PTPRQ: variants seen among roughly 807,000 people sequenced by gnomAD.
PTPRQ encodes phosphatidylinositol phosphatase PTPRQ.
PTPRQ carries 199 observed loss-of-function variants against 246.0 expected under a neutral mutation model. The observed-to-expected ratio is 0.81, with a 90% CI of 0.72 to 0.91. PTPRQ has a LOEUF of 0.91. Among genes scored for constraint, PTPRQ ranks in the 40% least tolerant of loss-of-function variants. The pLI, the probability that PTPRQ is intolerant of heterozygous loss-of-function variation, is 0.00. For missense variants in PTPRQ, 2,624 were observed against 2,528.4 expected (o/e 1.04, Z -0.81); for synonymous variants, 869 against 853.2 (o/e 1.02, Z -0.32).
At chr12:80,566,862 C>A (rs1286781938) in intron 25 of PTPRQ, among the ~76,000 whole-genome samples, 8 of 152,112 alleles carry the variant, frequency 5.3e-5, no homozygotes. Flanking sequence ...TTTTAAAAAT[C>A]AAGATCACAT....
At chr12:80,550,421 C>G (rs1896439538) in intron 25 of PTPRQ, among the ~76,000 whole-genome samples, 1 of 152,156 alleles carries the variant, frequency 6.6e-6, no homozygotes, top group Non-Finnish European at 1.5e-5. Context: ...GTCTTTCAAG[C>G]CGTCTTGAGG....
chr12:80,673,848 T>G (rs769632703), intron 43 of PTPRQ, among the ~76,000 whole-genome samples: 1 of 152,102 alleles, frequency 6.6e-6, no homozygotes, highest in African/African-American at 2.4e-5. Context: ...ATATATACAA[T>G]TTTTATTTTA....
intron 26 of PTPRQ, among the ~76,000 whole-genome samples, chr12:80,589,183 T>G (rs1380567449): frequency 6.6e-6 from 1 of 152,100 alleles, no homozygotes; most frequent in Non-Finnish European, 1.5e-5. Context: ...CATAATTAAG[T>G]AAAAAATGTA....
chr12:80,663,154 T>C (rs1018421673), intron 39 of PTPRQ, among the ~76,000 whole-genome samples: 1 of 151,752 alleles, frequency 6.6e-6, no homozygotes, highest in African/African-American at 2.4e-5. Flanking sequence ...ATATATGTAT[T>C]AAAAAGAAAT....
intron 26 of PTPRQ, among the ~76,000 whole-genome samples, chr12:80,589,842 T>C (rs1285045381): frequency 7.2e-5 from 11 of 152,208 alleles, no homozygotes; most frequent in Non-Finnish European, 1.6e-4. Flanking sequence ...CTTTGCTGAA[T>C]TATTCTCAGC....
At chr12:80,660,183 G>A (rs1363202689) in intron 39 of PTPRQ, among the ~76,000 whole-genome samples, 2 of 151,990 alleles carry the variant, frequency 1.3e-5, no homozygotes. Context: ...GCAAAGGGAA[G>A]AGAACTATAG....
chr12:80,480,848 C>A (rs1195701399), intron 8 of PTPRQ, among the ~76,000 whole-genome samples: 3 of 152,154 alleles, frequency 2.0e-5, no homozygotes, highest in Admixed American at 2.0e-4. Flanking sequence ...TCTGAATAGA[C>A]CAATAACAGG....
rs923732447 is a variant in PTPRQ at position 80,585,837 on chromosome 12, C to T, written c.4286-2292C>T. On this transcript the variant is annotated intron_variant, in intron 25 of 44. Coordinates refer to ENST00000644991, the MANE Select transcript of PTPRQ (RefSeq NM_001145026.2). ...CATGCTGGTGCGCTGCACCCACTAA[C>T]TCGTCATCTAGCATTAGGTATATCT... is the stretch of plus-strand genomic sequence containing the variant. Among the ~76,000 whole-genome samples, 18 of 149,528 alleles carry T rather than the reference C, an allele frequency of 1.2e-4. 1 individual carries two copies. Among genetic ancestry groups the T allele is most frequent in the Non-Finnish European group, 1.9e-4 (13 of 67,328 alleles).
chr12:80,455,729 T>C (rs1892959009), intron 3 of PTPRQ, among the ~76,000 whole-genome samples: 1 of 151,738 alleles, frequency 6.6e-6, no homozygotes, highest in South Asian at 2.1e-4. Context: ...TAGCTGGGAC[T>C]AGAGGCGCCC....
chr12:80,677,248 T>G (rs1901173945), intron 43 of PTPRQ, among the ~76,000 whole-genome samples: 1 of 152,228 alleles, frequency 6.6e-6, no homozygotes, highest in African/African-American at 2.4e-5. Context: ...AACATATTTC[T>G]GTCAATAATG....
chr12:80,470,383 T>A (rs1893585530), intron 7 of PTPRQ, among the ~76,000 whole-genome samples: 1 of 152,286 alleles, frequency 6.6e-6, no homozygotes, highest in Admixed American at 6.5e-5. Flanking sequence ...TCTAACTGGT[T>A]TACCTTTTTC....
chr12:80,459,325 G>C lies in PTPRQ; in HGVS notation c.502G>C (p.Ala168Pro), dbSNP rs982339968. Residue 168 changes from alanine (A) to proline (P), a missense_variant, in exon 5 of 45, where the codon GCT (alanine) becomes CCT (proline). Coordinates refer to ENST00000644991, the MANE Select transcript of PTPRQ (RefSeq NM_001145026.2). ...GAATCTCACAGTTGAGGCCTACAAC[G>C]CTTCAGCAGTTAAGCTGATTTGGTA... ...VVNLTVEAYN[A>P]SAVKLIWYLP... 1 of 398,390 alleles carries C rather than the reference G, an allele frequency of 2.5e-6. No individual in the cohort carries two copies. The highest frequency in any genetic ancestry group is 4.4e-6 in the Non-Finnish European group (1 of 225,936). The allele number at this position is 398,390 out of a possible 1,614,324, so 24.7% of individuals were successfully genotyped here.
At position 80,669,375 on chromosome 12, in the gene PTPRQ, C is replaced by T. The variant is rs1276577706; in HGVS notation, c.6364C>T (p.Pro2122Ser). The change falls in exon 41 of 45, where the codon CCA becomes TCA. Residue 2122 changes from proline to serine, a missense_variant. Transcript: ENST00000644991. ...TCAGTATTGGCCAGAGGACAACAAG[C>T]CAGTTACTGTCTTTGGAGATATAGT... Reference protein sequence around the residue: ...CHQYWPEDNKPVTVFGDIVIT... With the variant: ...CHQYWPEDNKSVTVFGDIVIT... 9.7e-6 allele frequency: 15 copies of T among 1,549,586 alleles called. No homozygotes were observed. In the East Asian group the frequency reaches 2.9e-4, roughly 30 times the overall value.
At position 80,651,430 on chromosome 12, in the gene PTPRQ, A is replaced by C. The variant is rs971969463; in HGVS notation, c.6025-1314A>C. On this transcript the variant is annotated intron_variant, in intron 37 of 44. Transcript: ENST00000644991. ...TGAACTTTAGGATGAGCAGAAGTCTAATGAGAAGGTAAAGGAAAAAAGGTG... is the reference window on the plus strand; with the variant it reads ...TGAACTTTAGGATGAGCAGAAGTCTCATGAGAAGGTAAAGGAAAAAAGGTG... Among the ~76,000 whole-genome samples, 18 of 152,178 alleles carry C rather than the reference A, an allele frequency of 1.2e-4. No homozygotes were observed. The East Asian group carries it at 3.5e-3, about 29-fold the overall frequency.
intron 17 of PTPRQ, among the ~76,000 whole-genome samples, chr12:80,523,660 C>T (rs10778759): frequency 0.9 from 136,552 of 152,192 alleles, 61,841 homozygotes; most frequent in Non-Finnish European, 0.93. Flanking sequence ...TCAGTTTCCA[C>T]GTAGTTGAGC....
At chr12:80,551,939 GTAT>G (rs1257651793) in intron 25 of PTPRQ, among the ~76,000 whole-genome samples, 3 of 151,494 alleles carry the variant, frequency 2.0e-5, no homozygotes, top group African/African-American at 4.9e-5. Context: ...TCCTTTAACT[GTAT>G]TATTATTTTC....
chr12:80,535,564 G>A (rs1247154487), intron 19 of PTPRQ, among the ~76,000 whole-genome samples: 3 of 152,038 alleles, frequency 2.0e-5, no homozygotes, highest in Non-Finnish European at 4.4e-5. Flanking sequence ...AAGACCACTC[G>A]GAATGTGTTT....
chr12:80,531,436 A>G (rs1650844132), intron 17 of PTPRQ, among the ~76,000 whole-genome samples: 1 of 152,224 alleles, frequency 6.6e-6, no homozygotes, highest in African/African-American at 2.4e-5. Flanking sequence ...AGCAGTGTCA[A>G]AAATGAATTT....
intron 25 of PTPRQ, among the ~76,000 whole-genome samples, chr12:80,567,483 T>C (rs80177130): frequency 0.014 from 2,181 of 152,274 alleles, 28 homozygotes; most frequent in South Asian, 0.034. Context: ...CCATCCCCCA[T>C]AGAAAGTTCC....
Sources: gnomAD v4.1 joint callset for allele counts (sites outside exome capture counted in the v4.1 genomes callset) on GRCh38, gnomAD v4.1.1 for gene constraint, MANE v1.5 for transcripts, NCBI Gene and HGNC (gene_info 2026-07-23, HGNC 2026-07-21) for gene names.